The following CRYBB1 variants were observed in gnomAD, a reference collection of about 807,000 sequenced individuals.
CRYBB1 encodes the protein beta-crystallin B1.
A neutral mutation model predicts 29.5 loss-of-function variants in CRYBB1; 16 were observed. The observed-to-expected ratio is 0.54, with a 90% confidence interval of 0.37 to 0.82. CRYBB1 has a LOEUF of 0.82. Among genes scored for constraint, CRYBB1 ranks in the 40% least tolerant of loss-of-function variants. CRYBB1 has a pLI of 0.00. For synonymous variants in CRYBB1, 127 were observed against 136.7 expected, an observed-to-expected ratio of 0.93 and a Z score of 0.49; for missense variants, 300 against 350.5, an observed-to-expected ratio of 0.86 and a Z score of 1.15.
In CRYBB1 at chr22:26,599,632, T is replaced by C; in HGVS notation, c.617A>G (p.Tyr206Cys). Residue 206 changes from tyrosine to cysteine, a missense_variant, in exon 6 of 6, where the codon TAC becomes TGC. By Grantham distance (194) the Tyr-to-Cys change is radical (BLOSUM62 -2). Transcript: ENST00000647684. The part of the protein sequence containing the change: ...YQYPGYRGYQ[Y>C]LLEPGDFRHW... ...CCGGAAGTCACCAGGCTCTAGGAGG[T>C]ACTGGTACCCGCGGTAGCCAGGATA... 1.2e-6 allele frequency: 2 copies of C among 1,614,120 alleles called. No homozygotes were observed. Among genetic ancestry groups the C allele is most frequent in the Non-Finnish European group, 1.7e-6 (2 of 1,179,998 alleles).
At chr22:26,611,263 T>G (rs1333954886) in intron 3 of CRYBB1, among the ~76,000 whole-genome samples, 2 of 152,172 alleles carry the variant, frequency 1.3e-5, no homozygotes, top group African/African-American at 4.8e-5. Flanking sequence ...CAAGTGGGCA[T>G]AAGAATAGCC....
rs778745190 is a variant in CRYBB1 at position 26,616,279 on chromosome 22, G to T, written c.41C>A (p.Ala14Glu). 5.0e-6 allele frequency: 8 copies of T among 1,613,864 alleles called. No individual in the cohort carries two copies. The South Asian group carries it at 6.6e-5, about 13-fold the overall frequency. Residue 14 changes from alanine (A) to glutamate (E), a missense_variant, in exon 2 of 6, where the codon GCG becomes GAG. Physicochemically the swap from Ala to Glu is moderately radical, Grantham distance 107. Coordinates refer to ENST00000647684, the MANE Select transcript of CRYBB1 (RefSeq NM_001887.4). ...AAKASASATVAVNPGPDTKGK... is the reference protein window; with the variant it reads ...AAKASASATVEVNPGPDTKGK... ...CTTGGTGTCAGGCCCTGGGTTCACCGCCACTGTGGCCGAGGCCGAGGCCTT... is the reference window on the plus strand; with the variant it reads ...CTTGGTGTCAGGCCCTGGGTTCACCTCCACTGTGGCCGAGGCCGAGGCCTT...
In CRYBB1 at chr22:26,616,258, G is replaced by C. The variant is rs977545156; in HGVS notation, c.62C>G (p.Thr21Ser). The C allele has an allele frequency of 1.2e-6, 2 of 1,613,964 alleles. No homozygotes were observed. Among genetic ancestry groups the C allele is most frequent in the African/African-American group, 2.7e-5 (2 of 74,930 alleles). Residue 21 changes from threonine (T) to serine (S), a missense_variant, in exon 2 of 6, where the codon ACC becomes AGC. Transcript: ENST00000647684. ...ATVAVNPGPD[T>S]KGKGAPPAGT... ...TGCAGGTGGGGCCCCCTTCCCCTTG[G>C]TGTCAGGCCCTGGGTTCACCGCCAC...
At chr22:26,605,099 G>A (rs1928935270) in intron 4 of CRYBB1, among the ~76,000 whole-genome samples, 1 of 152,138 alleles carries the variant, frequency 6.6e-6, no homozygotes. Flanking sequence ...CTCTTCACGT[G>A]GCTGAGTTGG....
At chr22:26,616,412 C>G (rs1929357615) in intron 1 of CRYBB1, 74 bp from the exon 2 acceptor site, 8 of 999,074 alleles carry the variant, frequency 8.0e-6, no homozygotes, top group Non-Finnish European at 1.2e-5. Flanking sequence ...ACATCCTGTG[C>G]TTTCAGCCTC....
intron 4 of CRYBB1, among the ~76,000 whole-genome samples, chr22:26,604,824 T>G (rs1928925309): frequency 6.6e-6 from 1 of 152,198 alleles, no homozygotes; most frequent in South Asian, 2.1e-4. Context: ...GATTACTTAT[T>G]ACTGTTACGG....
intron 4 of CRYBB1, among the ~76,000 whole-genome samples, chr22:26,602,980 C>T (rs1858760928): frequency 2.6e-5 from 4 of 151,796 alleles, no homozygotes; most frequent in Admixed American, 2.6e-4. Context: ...AAAAAATTAG[C>T]CGGGCGTGGT....
chr22:26,617,439 T>C (rs982011444), intron 1 of CRYBB1, among the ~76,000 whole-genome samples: 6 of 152,262 alleles, frequency 3.9e-5, no homozygotes, highest in African/African-American at 1.2e-4. Context: ...CCCAGCCTCC[T>C]CCAGGAAGGC....
At chr22:26,609,644 A>G (rs1929095122) in intron 3 of CRYBB1, among the ~76,000 whole-genome samples, 1 of 152,198 alleles carries the variant, frequency 6.6e-6, no homozygotes, top group Admixed American at 6.5e-5. Context: ...GGATAGATCA[A>G]TAGACGAATG....
Position 26,616,286 on chromosome 22 carries a change from T to C in CRYBB1, c.34A>G (p.Thr12Ala). ...SQAAKASASA[T>A]VAVNPGPDTK... ...TCAGGCCCTGGGTTCACCGCCACTG[T>C]GGCCGAGGCCGAGGCCTTTGCAGCC... Residue 12 changes from threonine (T) to alanine (A), a missense_variant, in exon 2 of 6, where the codon ACA becomes GCA. Transcript: ENST00000647684. 6.2e-7 allele frequency: 1 copy of C among 1,612,214 alleles called. No homozygotes were observed. Among genetic ancestry groups the C allele is most frequent in the Non-Finnish European group, 8.5e-7 (1 of 1,178,980 alleles).
intron 2 of CRYBB1, among the ~76,000 whole-genome samples, chr22:26,613,014 C>G (rs1340390610): frequency 6.6e-6 from 1 of 152,144 alleles, no homozygotes; most frequent in Non-Finnish European, 1.5e-5. Context: ...CTCCCATTAC[C>G]CAGCCCCTCC....
chr22:26,601,157 A>G (rs933373721), intron 5 of CRYBB1, among the ~76,000 whole-genome samples: 1 of 152,326 alleles, frequency 6.6e-6, no homozygotes, highest in Admixed American at 6.5e-5. Flanking sequence ...GCTCAGAACA[A>G]GTCTGGGAAT....
intron 4 of CRYBB1, 116 bp from the exon 5 acceptor site, chr22:26,602,137 G>A (rs1194014806): frequency 2.3e-6 from 3 of 1,309,452 alleles, no homozygotes; most frequent in Non-Finnish European, 3.2e-6. Flanking sequence ...GGCTGCTGGG[G>A]GACTCTCCAG....
chr22:26,614,171 C>T (rs1569207578), intron 2 of CRYBB1, among the ~76,000 whole-genome samples: 2 of 152,212 alleles, frequency 1.3e-5, no homozygotes, highest in African/African-American at 2.4e-5. Context: ...CCTGTGATCT[C>T]TCCCTGCCTC....
intron 3 of CRYBB1, among the ~76,000 whole-genome samples, chr22:26,608,625 G>A (rs979851736): frequency 1.3e-5 from 2 of 152,248 alleles, no homozygotes; most frequent in East Asian, 3.9e-4. Flanking sequence ...TTTGTAAAAA[G>A]TGGTGTCAGG....
At chr22:26,612,811 C>T (rs564032270) in intron 2 of CRYBB1, among the ~76,000 whole-genome samples, 12 of 152,312 alleles carry the variant, frequency 7.9e-5, no homozygotes, top group South Asian at 6.2e-4. Flanking sequence ...TTCCCTAATA[C>T]GCATTCCAGC....
chr22:26,616,535 T>C lies in CRYBB1; in HGVS notation c.-19-197A>G, dbSNP rs1246418404. On this transcript the variant is annotated intron_variant, in intron 1 of 5. Coordinates refer to ENST00000647684, the MANE Select transcript of CRYBB1 (RefSeq NM_001887.4). ...CCGTCTGGGGGCCACTCATCCCACA[T>C]ATATCCTTCCTCCAGGCTTTTGACC... Among the ~76,000 whole-genome samples the C allele has an allele frequency of 2.6e-5, 4 of 152,154 alleles. No homozygotes were observed. The East Asian group carries it at 7.7e-4, about 29-fold the overall frequency.
At chr22:26,605,671 CAA>C (rs771110435) in intron 4 of CRYBB1, among the ~76,000 whole-genome samples, 7 of 54,206 alleles carry the variant, frequency 1.3e-4, no homozygotes, top group Non-Finnish European at 1.7e-4. Context: ...AGATGTGTCT[CAA>C]AAAAAAAAAA....
chr22:26,617,299 C>G lies in CRYBB1; in HGVS notation c.-20+678G>C, dbSNP rs78375971. ...TTTGTCCCCGGACAAAAATAATGCT[C>G]TCTTTAACTTTGGAGACAATGTTAA... On this transcript the variant is annotated intron_variant, in intron 1 of 5. Coordinates refer to ENST00000647684, the MANE Select transcript of CRYBB1 (RefSeq NM_001887.4). Among the ~76,000 whole-genome samples the G allele has an allele frequency of 1.9e-3, 288 of 152,274 alleles. 3 individuals are homozygous for G. The East Asian group carries it at 0.046, about 25-fold the overall frequency.
Sources: gnomAD v4.1 joint callset for allele counts (sites outside exome capture counted in the v4.1 genomes callset) on GRCh38, gnomAD v4.1.1 for gene constraint, MANE v1.5 for transcripts, NCBI Gene and HGNC (gene_info 2026-07-23, HGNC 2026-07-21) for gene names.